Variants in TMEM117 observed in about 807,000 individuals in gnomAD.
TMEM117 encodes transmembrane protein 117.
In TMEM117, 27 loss-of-function variants were observed where a neutral mutation model predicts 52.4. That is an observed-to-expected ratio of 0.51 (90% CI 0.38 to 0.71). The LOEUF is 0.71. Among genes scored for constraint, TMEM117 ranks in the 30% least tolerant of loss-of-function variants. The pLI, the probability that TMEM117 is intolerant of heterozygous loss-of-function variation, is 0.00. For synonymous variants in TMEM117, 215 were observed against 206.3 expected (o/e 1.04, Z -0.36); for missense variants, 556 against 630.5 (o/e 0.88, Z 1.26).
intron 2 of TMEM117, among the ~76,000 whole-genome samples, chr12:43,855,063 T>G (rs1218632134): frequency 4.6e-5 from 7 of 152,232 alleles, no homozygotes; most frequent in Non-Finnish European, 7.3e-5. Flanking sequence ...TCTGTATATA[T>G]GTATACATAT....
chr12:44,217,351 A>C (rs983106716), intron 5 of TMEM117, among the ~76,000 whole-genome samples: 1 of 152,212 alleles, frequency 6.6e-6, no homozygotes, highest in Non-Finnish European at 1.5e-5. Flanking sequence ...GACCTGTGAC[A>C]GTCCCCATTG....
chr12:44,114,378 A>G (rs1052081664), intron 3 of TMEM117, among the ~76,000 whole-genome samples: 3 of 152,216 alleles, frequency 2.0e-5, no homozygotes, highest in African/African-American at 7.2e-5. Flanking sequence ...ATAACTAGAT[A>G]TACAGTAAAA....
intron 4 of TMEM117, among the ~76,000 whole-genome samples, chr12:44,154,398 A>G (rs1948797172): frequency 6.6e-6 from 1 of 152,094 alleles, no homozygotes; most frequent in African/African-American, 2.4e-5. Context: ...ATGAGAAGTA[A>G]TGCCTATGAG....
intron 3 of TMEM117, among the ~76,000 whole-genome samples, chr12:44,124,473 C>T (rs919369847): frequency 6.6e-6 from 1 of 152,184 alleles, no homozygotes; most frequent in African/African-American, 2.4e-5. Flanking sequence ...GCAACCTTGT[C>T]TTGTGCCAGT....
At chr12:43,843,889 G>T (rs766606119) in intron 1 of TMEM117, among the ~76,000 whole-genome samples, 55 of 152,194 alleles carry the variant, frequency 3.6e-4, no homozygotes, top group Non-Finnish European at 6.8e-4. Context: ...GTATACATTT[G>T]TCAATGTTTA....
At chr12:44,114,950 A>G (rs926316573) in intron 3 of TMEM117, among the ~76,000 whole-genome samples, 2 of 152,196 alleles carry the variant, frequency 1.3e-5, no homozygotes, top group African/African-American at 2.4e-5. Context: ...CTTAAATCCA[A>G]TTTACTGTAG....
intron 3 of TMEM117, among the ~76,000 whole-genome samples, chr12:44,124,040 A>AT (rs2138146958): frequency 7.6e-6 from 1 of 130,828 alleles, no homozygotes; most frequent in African/African-American, 4.4e-5. Context: ...ATGAGCATGG[A>AT]ATTTTTTTTC....
At chr12:44,145,911 A>G (rs1214429801) in intron 4 of TMEM117, among the ~76,000 whole-genome samples, 1 of 152,162 alleles carries the variant, frequency 6.6e-6, no homozygotes, top group East Asian at 1.9e-4. Context: ...CTTTTCCACT[A>G]TGGCAACATT....
chr12:43,972,730 A>G (rs966251646), intron 3 of TMEM117, among the ~76,000 whole-genome samples: 1 of 152,112 alleles, frequency 6.6e-6, no homozygotes, highest in Non-Finnish European at 1.5e-5. Flanking sequence ...AGCTAGCTAC[A>G]GAGCGCTGAT....
intron 4 of TMEM117, among the ~76,000 whole-genome samples, chr12:44,186,036 G>A (rs1343380383): frequency 6.6e-6 from 1 of 152,098 alleles, no homozygotes; most frequent in East Asian, 1.9e-4. Context: ...AGCAATTTGT[G>A]ACAGAAAATA....
At chr12:43,963,925 T>A (rs1945444088) in intron 3 of TMEM117, among the ~76,000 whole-genome samples, 1 of 152,130 alleles carries the variant, frequency 6.6e-6, no homozygotes, top group Non-Finnish European at 1.5e-5. Flanking sequence ...ACTAAGTATC[T>A]CAGAATTAGG....
Position 44,214,550 on chromosome 12 carries a change from A to G in TMEM117, c.608+3163A>G, listed in dbSNP as rs139694520. Among the ~76,000 whole-genome samples the G allele has an allele frequency of 1.9e-3, 292 of 152,270 alleles. 7 individuals are homozygous for G. The East Asian group carries it at 0.035, about 18-fold the overall frequency. On this transcript the variant is annotated intron_variant, in intron 5 of 7. Transcript: ENST00000266534. ...GTAGTTTAAATGTTGTAAAAATGAT[A>G]ATTTAATTAGTCACTGGCAAGTAGA...
At chr12:43,990,903 G>C (rs1483230783) in intron 3 of TMEM117, among the ~76,000 whole-genome samples, 1 of 152,112 alleles carries the variant, frequency 6.6e-6, no homozygotes, top group Non-Finnish European at 1.5e-5. Flanking sequence ...CATTGTCCAT[G>C]GAAATTAGCA....
chr12:43,972,388 T>TA (rs1945603360), intron 3 of TMEM117, among the ~76,000 whole-genome samples: 1 of 152,170 alleles, frequency 6.6e-6, no homozygotes, highest in Non-Finnish European at 1.5e-5. Context: ...CGGTGAGTGT[T>TA]ACAGCTCTTA....
At chr12:44,009,893 T>C (rs901554929) in intron 3 of TMEM117, 22 of 275,668 alleles carry the variant, frequency 8.0e-5, no homozygotes, top group African/African-American at 4.8e-4. Flanking sequence ...TCTACTCTTT[T>C]GGGTGGATCT....
chr12:44,304,905 A>C (rs1239214429), intron 6 of TMEM117, among the ~76,000 whole-genome samples: 4 of 152,204 alleles, frequency 2.6e-5, no homozygotes, highest in African/African-American at 9.6e-5. Flanking sequence ...GGCCATGGCG[A>C]GATATTCCTT....
At chr12:44,386,577 C>A (rs527861563) in intron 7 of TMEM117, among the ~76,000 whole-genome samples, 111 of 152,178 alleles carry the variant, frequency 7.3e-4, no homozygotes, top group Admixed American at 2.2e-3. Context: ...AAAAAATTAT[C>A]ATGGTTTAGG....
chr12:44,025,380 A>G (rs1202888163), intron 3 of TMEM117, among the ~76,000 whole-genome samples: 1 of 152,216 alleles, frequency 6.6e-6, no homozygotes, highest in African/African-American at 2.4e-5. Flanking sequence ...TATTCATAAT[A>G]GGCTTCTCCT....
chr12:44,138,720 A>G (rs1310941423), intron 3 of TMEM117, among the ~76,000 whole-genome samples: 1 of 152,180 alleles, frequency 6.6e-6, no homozygotes, highest in Non-Finnish European at 1.5e-5. Context: ...ATCTTGCCCC[A>G]TAGCCTCAAA....
Sources: allele counts gnomAD v4.1 joint callset (sites outside exome capture counted in the v4.1 genomes callset), GRCh38; gene constraint gnomAD v4.1.1; transcripts MANE v1.5; gene names NCBI Gene and HGNC (gene_info 2026-07-23, HGNC 2026-07-21).